Variants in SGK3 observed in about 807,000 individuals in gnomAD.
SGK3 encodes the protein serine/threonine-protein kinase Sgk3.
A neutral mutation model predicts 68.5 loss-of-function variants in SGK3; 47 were observed. The observed-to-expected ratio is 0.69, with a 90% CI of 0.54 to 0.87. SGK3 has a LOEUF of 0.87. Ranked by LOEUF, SGK3 falls within the 40% of genes least tolerant of loss-of-function variation. The pLI, the probability that SGK3 is intolerant of heterozygous loss-of-function variation, is 0.00. For missense variants in SGK3, 479 were observed against 575.5 expected, an observed-to-expected ratio of 0.83 and a Z score of 1.72; for synonymous variants, 181 against 189.1, an observed-to-expected ratio of 0.96 and a Z score of 0.35.
rs117197581 is a variant in SGK3, at chr8:66,769,513, C to T, written c.-121-24103C>T. On this transcript the variant is annotated intron_variant, in intron 1 of 16. Coordinates refer to ENST00000521198, the MANE Select transcript of SGK3 (RefSeq NM_001033578.3). ...TGCTGGGATTATAGGTGCGGGTCAC[C>T]GCACCCGGCCTTAATTCTTTTTTCT... Among the ~76,000 whole-genome samples the T allele has an allele frequency of 6.2e-3, 947 of 152,294 alleles. 5 individuals carry two copies. Among genetic ancestry groups the T allele is most frequent in the Non-Finnish European group, 9.9e-3 (673 of 68,018 alleles).
chr8:66,754,098 T>G (rs1170633359), intron 1 of SGK3, among the ~76,000 whole-genome samples: 1 of 152,138 alleles, frequency 6.6e-6, no homozygotes, highest in African/African-American at 2.4e-5. Context: ...GGAGAAAACT[T>G]TAGAGGCCTG....
chr8:66,819,088 G>T (rs1245021728), intron 5 of SGK3, among the ~76,000 whole-genome samples: 2 of 152,150 alleles, frequency 1.3e-5, no homozygotes, highest in African/African-American at 4.8e-5. Context: ...AGCCATTCTG[G>T]TGAGTGGGTA....
At chr8:66,789,898 C>T (rs1210378129) in intron 1 of SGK3, among the ~76,000 whole-genome samples, 4 of 151,952 alleles carry the variant, frequency 2.6e-5, no homozygotes, top group Admixed American at 6.6e-5. Context: ...GTCATCATGA[C>T]GAAACCCCAT....
intron 1 of SGK3, among the ~76,000 whole-genome samples, chr8:66,730,787 C>T (rs1289627657): frequency 3.9e-5 from 6 of 152,090 alleles, no homozygotes; most frequent in African/African-American, 1.2e-4. Flanking sequence ...AAGCAATTCT[C>T]CTGCCTCAGC....
At chr8:66,785,054 G>A (rs987032483) in intron 1 of SGK3, among the ~76,000 whole-genome samples, 1 of 152,196 alleles carries the variant, frequency 6.6e-6, no homozygotes, top group Non-Finnish European at 1.5e-5. Flanking sequence ...GGGAAGCCAG[G>A]CTCCTGACCA....
chr8:66,795,381 T>G (rs887988786), intron 2 of SGK3, among the ~76,000 whole-genome samples: 5 of 152,230 alleles, frequency 3.3e-5, no homozygotes, highest in African/African-American at 1.2e-4. Flanking sequence ...CAGTAGGCAT[T>G]TGTTGCACAT....
chr8:66,799,614 C>G (rs1383521480), intron 3 of SGK3, among the ~76,000 whole-genome samples: 1 of 152,104 alleles, frequency 6.6e-6, no homozygotes, highest in Non-Finnish European at 1.5e-5. Context: ...CTCAAATCCC[C>G]AATGTATTTA....
intron 1 of SGK3, among the ~76,000 whole-genome samples, chr8:66,791,811 G>A (rs1807468548): frequency 6.6e-6 from 1 of 152,186 alleles, no homozygotes; most frequent in South Asian, 2.1e-4. Flanking sequence ...GGGCCAGTCT[G>A]CCTTAGAAGT....
At chr8:66,792,452 A>G (rs2130568985) in intron 1 of SGK3, among the ~76,000 whole-genome samples, 1 of 152,318 alleles carries the variant, frequency 6.6e-6, no homozygotes, top group East Asian at 1.9e-4. Context: ...TTATACCTGA[A>G]TATTCAATGC....
intron 7 of SGK3, 79 bp downstream of exon 7, chr8:66,828,782 TTACAC>T: frequency 2.0e-6 from 3 of 1,527,880 alleles, no homozygotes; most frequent in Non-Finnish European, 2.7e-6. Flanking sequence ...ATATGTATAA[TTACAC>T]TAATTTAACT....
intron 1 of SGK3, among the ~76,000 whole-genome samples, chr8:66,778,902 C>T (rs2130516191): frequency 6.6e-6 from 1 of 152,218 alleles, no homozygotes; most frequent in South Asian, 2.1e-4. Flanking sequence ...ATATCTGCAG[C>T]TTAGGATTTT....
chr8:66,762,706 G>T (rs1442372151), intron 1 of SGK3, among the ~76,000 whole-genome samples: 4 of 152,018 alleles, frequency 2.6e-5, no homozygotes, highest in African/African-American at 9.7e-5. Context: ...ATTGGTAATT[G>T]ATATCTCATT....
At chr8:66,763,323 A>G (rs1806225640) in intron 1 of SGK3, among the ~76,000 whole-genome samples, 1 of 152,210 alleles carries the variant, frequency 6.6e-6, no homozygotes. Flanking sequence ...ATTTCAATTC[A>G]TAATGGTGAT....
rs77384252 is a variant in SGK3 at position 66,774,366 on chromosome 8, A to T, written c.-121-19250A>T. Among the ~76,000 whole-genome samples the T allele has an allele frequency of 7.0e-4, 107 of 152,120 alleles. 3 individuals are homozygous for T. In the East Asian group the frequency reaches 0.019, roughly 27 times the overall value. Reference sequence around the variant, plus strand: ...ATTTTAGAAACAGGGTCTTGCTATGAGGTCCAGGCTGGCCTGGAACTCCTG... The same window carrying T: ...ATTTTAGAAACAGGGTCTTGCTATGTGGTCCAGGCTGGCCTGGAACTCCTG... On this transcript the variant is annotated intron_variant, in intron 1 of 16. Transcript: ENST00000521198.
At chr8:66,815,599 A>G (rs1808544265) in intron 5 of SGK3, among the ~76,000 whole-genome samples, 1 of 152,174 alleles carries the variant, frequency 6.6e-6, no homozygotes, top group Non-Finnish European at 1.5e-5. Flanking sequence ...GAATTGGCAT[A>G]TTACTGGCTT....
intron 1 of SGK3, among the ~76,000 whole-genome samples, chr8:66,785,110 C>T (rs975110290): frequency 6.6e-6 from 1 of 152,218 alleles, no homozygotes. Flanking sequence ...AATCAGAAAT[C>T]TGCTTTTCCT....
intron 1 of SGK3, among the ~76,000 whole-genome samples, chr8:66,787,054 C>G (rs140593647): frequency 6.7e-6 from 1 of 148,676 alleles, no homozygotes; most frequent in Non-Finnish European, 1.5e-5. Flanking sequence ...AGCAATTCTC[C>G]TCCCTCAGCC....
At chr8:66,834,159 TAATC>T (rs1276884300) in intron 8 of SGK3, among the ~76,000 whole-genome samples, 1 of 152,172 alleles carries the variant, frequency 6.6e-6, no homozygotes, top group Non-Finnish European at 1.5e-5. Flanking sequence ...TATTCATAAA[TAATC>T]TAATCTATCA....
intron 8 of SGK3, among the ~76,000 whole-genome samples, chr8:66,835,526 T>G (rs529642927): frequency 4.6e-5 from 7 of 152,190 alleles, no homozygotes; most frequent in African/African-American, 1.7e-4. Context: ...CACACAAACT[T>G]CTCAAGCAGT....
Sources: allele counts gnomAD v4.1 joint callset (sites outside exome capture counted in the v4.1 genomes callset), GRCh38; gene constraint gnomAD v4.1.1; transcripts MANE v1.5; gene names NCBI Gene and HGNC (gene_info 2026-07-23, HGNC 2026-07-21).